ANKS1B: variants seen among roughly 807,000 people sequenced by gnomAD.
ANKS1B encodes the protein ankyrin repeat and sterile alpha motif domain containing 1B, also known as ankyrin repeat and sterile alpha motif domain-containing protein 1B.
A neutral mutation model predicts 148.3 loss-of-function variants in ANKS1B; 36 were observed. The ratio of observed to expected loss-of-function variants is 0.24; its 90% CI spans 0.19 to 0.32. The LOEUF (loss-of-function observed/expected upper bound fraction) is 0.32, where lower values mean the gene tolerates loss of function less well. Ranked by LOEUF, ANKS1B falls within the 10% of genes least tolerant of loss-of-function variation. The pLI is 1.00. For missense variants in ANKS1B, 1,157 were observed against 1,542.6 expected, an observed-to-expected ratio of 0.75 and a Z score of 4.19; for synonymous variants, 542 against 560.8, an observed-to-expected ratio of 0.97 and a Z score of 0.47.
intron 17 of ANKS1B, among the ~76,000 whole-genome samples, chr12:98,963,436 C>T (rs78058674): frequency 0.027 from 4,049 of 152,080 alleles, 148 homozygotes; most frequent in African/African-American, 0.081. Flanking sequence ...CTATGGCCTC[C>T]CAAAGTGCTG....
In ANKS1B at chr12:98,881,746, C is replaced by A. The variant is rs1202489851; in HGVS notation, c.2779-49610G>T. Among the ~76,000 whole-genome samples, 3 of 152,208 alleles carry A rather than the reference C, an allele frequency of 2.0e-5. No homozygotes were observed. The South Asian group carries it at 6.2e-4, about 32-fold the overall frequency. On this transcript the variant is annotated intron_variant, in intron 17 of 26. Transcript: ENST00000683438. ...TACCACAAAAATGCCATATTCAACA[C>A]TTTTTCCTATTACAGTATAAAACAC...
intron 21 of ANKS1B, 47 bp downstream of exon 21, chr12:98,800,950 C>A (rs757951956): frequency 1.3e-6 from 2 of 1,577,744 alleles, no homozygotes; most frequent in South Asian, 1.2e-5. Flanking sequence ...TGAAAACATA[C>A]CCCCTATCTC....
intron 16 of ANKS1B, among the ~76,000 whole-genome samples, chr12:99,060,310 G>C (rs2041972588): frequency 6.6e-6 from 1 of 151,992 alleles, no homozygotes; most frequent in South Asian, 2.1e-4. Flanking sequence ...TAACATCACA[G>C]GTGGTACAGC....
chr12:98,824,490 C>T (rs1406705645), intron 19 of ANKS1B, among the ~76,000 whole-genome samples: 1 of 152,156 alleles, frequency 6.6e-6, no homozygotes, highest in Non-Finnish European at 1.5e-5. Flanking sequence ...TCATATCTGT[C>T]TATATAGTGC....
intron 9 of ANKS1B, among the ~76,000 whole-genome samples, chr12:99,581,823 G>A (rs2097572692): frequency 6.6e-6 from 1 of 151,228 alleles, no homozygotes; most frequent in African/African-American, 2.4e-5. Flanking sequence ...CCCGGGAAGC[G>A]GAGCTTGCAG....
intron 14 of ANKS1B, among the ~76,000 whole-genome samples, chr12:99,158,715 C>CAG (rs10640845): frequency 0.85 from 128,809 of 151,968 alleles, 55,149 homozygotes; most frequent in East Asian, 0.99. Flanking sequence ...TTGGTAAAAA[C>CAG]AGATTCTGAG....
At chr12:99,523,551 CTTT>C (rs71088130) in intron 9 of ANKS1B, among the ~76,000 whole-genome samples, 4 of 119,608 alleles carry the variant, frequency 3.3e-5, no homozygotes, top group Non-Finnish European at 1.7e-5. Context: ...AAGGCATCTT[CTTT>C]TTTTTTTTTT....
At chr12:98,843,722 G>A (rs1158941505) in intron 17 of ANKS1B, among the ~76,000 whole-genome samples, 1 of 152,174 alleles carries the variant, frequency 6.6e-6, no homozygotes, top group Non-Finnish European at 1.5e-5. Context: ...GAGAAGCAAG[G>A]GTAGAGGGCA....
chr12:98,795,951 G>T (rs1002704189), intron 22 of ANKS1B, among the ~76,000 whole-genome samples: 4 of 152,196 alleles, frequency 2.6e-5, no homozygotes, highest in Admixed American at 2.6e-4. Context: ...GCAGGGCAGG[G>T]TGTACAGCTC....
chr12:99,867,068 G>A (rs1209734695), intron 1 of ANKS1B, among the ~76,000 whole-genome samples: 1 of 152,162 alleles, frequency 6.6e-6, no homozygotes. Flanking sequence ...AAAGGTCAAA[G>A]TTTACAGTTA....
chr12:99,738,540 T>G (rs1225101992), intron 8 of ANKS1B, among the ~76,000 whole-genome samples: 2 of 152,152 alleles, frequency 1.3e-5, no homozygotes, highest in Non-Finnish European at 2.9e-5. Flanking sequence ...AGAGTTTGCT[T>G]TCTAAATAAA....
At chr12:98,959,770 C>T (rs2099868198) in intron 17 of ANKS1B, among the ~76,000 whole-genome samples, 1 of 152,140 alleles carries the variant, frequency 6.6e-6, no homozygotes, top group Admixed American at 6.5e-5. Flanking sequence ...GGGAGAGTCC[C>T]AGTCCTGCCA....
In ANKS1B at chr12:99,053,324, A is replaced by G; in HGVS notation, c.2626-15T>C. The G allele has an allele frequency of 1.3e-6, 2 of 1,572,720 alleles. No individual in the cohort carries two copies. The highest frequency in any genetic ancestry group is 1.7e-6 in the Non-Finnish European group (2 of 1,162,622). On this transcript the variant is annotated splice_polypyrimidine_tract_variant and intron_variant, in intron 16 of 26. Coordinates refer to ENST00000683438, the MANE Select transcript of ANKS1B (RefSeq NM_001352186.2). Reference sequence around the variant, plus strand: ...ATGGGTCTCATCTGTAATAAAGAAAATTACATTAGGATTAAACTGTATACT... The same window carrying G: ...ATGGGTCTCATCTGTAATAAAGAAAGTTACATTAGGATTAAACTGTATACT...
intron 17 of ANKS1B, among the ~76,000 whole-genome samples, chr12:98,851,941 T>C (rs1160514704): frequency 7.0e-6 from 1 of 143,764 alleles, no homozygotes; most frequent in African/African-American, 2.6e-5. Context: ...GCAGAATTGC[T>C]TGAACCCAGG....
At chr12:98,852,754 C>T (rs536339432) in intron 17 of ANKS1B, among the ~76,000 whole-genome samples, 9 of 152,078 alleles carry the variant, frequency 5.9e-5, no homozygotes, top group Non-Finnish European at 7.4e-5. Flanking sequence ...CTTTTTCCCC[C>T]CCTCCATCCA....
At chr12:98,898,822 T>C (rs2099768356) in intron 17 of ANKS1B, among the ~76,000 whole-genome samples, 1 of 152,184 alleles carries the variant, frequency 6.6e-6, no homozygotes, top group Non-Finnish European at 1.5e-5. Context: ...ACTCTTATGG[T>C]ACCAATTTCT....
chr12:99,186,065 T>C (rs1405289578), intron 14 of ANKS1B, among the ~76,000 whole-genome samples: 1 of 152,098 alleles, frequency 6.6e-6, no homozygotes, highest in African/African-American at 2.4e-5. Context: ...GGAAGGGGCG[T>C]CCGCTATGAC....
At chr12:99,366,265 T>C (rs1170468248) in intron 12 of ANKS1B, among the ~76,000 whole-genome samples, 1 of 152,226 alleles carries the variant, frequency 6.6e-6, no homozygotes, top group Non-Finnish European at 1.5e-5. Context: ...CCCTTTTTTA[T>C]GGTTCCATTA....
At chr12:99,295,934 G>A (rs1022942177) in intron 12 of ANKS1B, among the ~76,000 whole-genome samples, 1 of 152,166 alleles carries the variant, frequency 6.6e-6, no homozygotes, top group African/African-American at 2.4e-5. Context: ...AAGTCACAAA[G>A]TGTTTCTCTT....
Sources: gnomAD v4.1 joint callset for allele counts (sites outside exome capture counted in the v4.1 genomes callset) on GRCh38, gnomAD v4.1.1 for gene constraint, MANE v1.5 for transcripts, NCBI Gene and HGNC (gene_info 2026-07-23, HGNC 2026-07-21) for gene names.